GATAD1: variants seen among roughly 807,000 people sequenced by gnomAD.
GATAD1 encodes GATA zinc finger domain-containing protein 1.
In GATAD1, 12 loss-of-function variants were observed where a neutral mutation model predicts 26.5. That is an observed-to-expected ratio of 0.45 (90% CI 0.29 to 0.73). The LOEUF (loss-of-function observed/expected upper bound fraction) is 0.73. GATAD1 is among the 30% of genes least tolerant of loss of function. The pLI is 0.10. For synonymous variants in GATAD1, 129 were observed against 133.1 expected, an observed-to-expected ratio of 0.97 and a Z score of 0.21; for missense variants, 266 against 342.1, an observed-to-expected ratio of 0.78 and a Z score of 1.75.
At chr7:92,486,951 G>C in the GATAD1 span, 1 of 152,434 alleles carries the variant, frequency 6.6e-6, no homozygotes, top group Non-Finnish European at 1.5e-5. Context: ...ATTTCTGGTT[G>C]AGCGGATAAT....
the GATAD1 span, chr7:92,493,052 T>C: frequency 3.1e-6 from 5 of 1,611,750 alleles, no homozygotes; most frequent in African/African-American, 1.3e-5. Context: ...CAGTTACTGA[T>C]GCTACATGCT....
rs1218304434 is a variant in GATAD1 at position 92,456,368 on chromosome 7, C to T, written c.620-4C>T. The T allele has an allele frequency of 2.5e-6, 4 of 1,595,466 alleles. No homozygotes were observed. Among genetic ancestry groups the T allele is most frequent in the African/African-American group, 2.7e-5 (2 of 74,346 alleles). On this transcript the variant is annotated splice_region_variant and splice_polypyrimidine_tract_variant and intron_variant, in intron 4 of 4. Coordinates refer to ENST00000287957, the MANE Select transcript of GATAD1 (RefSeq NM_021167.5). ...ATTTAACCTTTCCCTTGGCTGCCTTCCAGGGCCAGAGGAAGATCTTCCAAG... is the reference window on the plus strand; with the variant it reads ...ATTTAACCTTTCCCTTGGCTGCCTTTCAGGGCCAGAGGAAGATCTTCCAAG...
the GATAD1 span, among the ~76,000 whole-genome samples, chr7:92,466,572 TTTA>T: frequency 1.3e-5 from 2 of 152,198 alleles, no homozygotes; most frequent in African/African-American, 4.8e-5. Context: ...AAAGATAAGC[TTTA>T]TTATTGAATA....
At chr7:92,453,773 A>G (rs1271032761) in intron 3 of GATAD1, among the ~76,000 whole-genome samples, 1 of 152,210 alleles carries the variant, frequency 6.6e-6, no homozygotes, top group Non-Finnish European at 1.5e-5. Flanking sequence ...GTACAGAGAA[A>G]AGACTGCTGA....
At chr7:92,493,363 G>A in the GATAD1 span, 7 of 264,636 alleles carry the variant, frequency 2.6e-5, no homozygotes, top group South Asian at 4.2e-4. Context: ...GGCTGGGCAT[G>A]GTGGCTCACG....
the GATAD1 span, among the ~76,000 whole-genome samples, chr7:92,484,470 AT>A: frequency 1.3e-5 from 2 of 152,212 alleles, no homozygotes; most frequent in East Asian, 3.9e-4. Context: ...GTGTGGGTGA[AT>A]AATCAGGCAG....
the GATAD1 span, chr7:92,487,351 A>T: frequency 7.6e-6 from 5 of 661,470 alleles, no homozygotes; most frequent in Non-Finnish European, 1.4e-5. Flanking sequence ...AATTAACCAA[A>T]TTTGTTAAAT....
chr7:92,470,071 A>T, the GATAD1 span: 1 of 778,828 alleles, frequency 1.3e-6, no homozygotes. Flanking sequence ...AGTCCAACAG[A>T]CAGTGACTCC....
At chr7:92,491,586 T>C in the GATAD1 span, 3 of 822,496 alleles carry the variant, frequency 3.6e-6, no homozygotes, top group South Asian at 2.8e-5. Flanking sequence ...TAGCATTCTA[T>C]TAGAGCAATA....
the GATAD1 span, among the ~76,000 whole-genome samples, chr7:92,473,995 G>A: frequency 6.6e-6 from 1 of 152,108 alleles, no homozygotes; most frequent in Admixed American, 6.5e-5. Flanking sequence ...GGACGAGGGG[G>A]CGGCTTACTT....
At chr7:92,493,090 G>A in the GATAD1 span, 1 of 1,612,054 alleles carries the variant, frequency 6.2e-7, no homozygotes, top group Non-Finnish European at 8.5e-7. Flanking sequence ...GCCAGAGGTA[G>A]AGAGTCACTG....
At chr7:92,456,039 T>C (rs1789656375) in intron 4 of GATAD1, among the ~76,000 whole-genome samples, 1 of 152,162 alleles carries the variant, frequency 6.6e-6, no homozygotes, top group South Asian at 2.1e-4. Flanking sequence ...TGCCTCACTT[T>C]CCTCATATGT....
chr7:92,487,427 T>A, the GATAD1 span: 1 of 1,250,744 alleles, frequency 8.0e-7, no homozygotes. Context: ...TCAAAAAACT[T>A]AACAGAACCA....
At chr7:92,472,518 G>A in the GATAD1 span, 2 of 152,218 alleles carry the variant, frequency 1.3e-5, no homozygotes, top group Non-Finnish European at 2.9e-5. Context: ...GACATATGAA[G>A]AAAAGTCTTG....
At chr7:92,476,631 C>G in the GATAD1 span, among the ~76,000 whole-genome samples, 1 of 151,974 alleles carries the variant, frequency 6.6e-6, no homozygotes, top group African/African-American at 2.4e-5. Context: ...TCTCTCTCTT[C>G]TGTCTCTCTC....
the GATAD1 span, among the ~76,000 whole-genome samples, chr7:92,480,765 C>T: frequency 6.6e-6 from 1 of 152,150 alleles, no homozygotes; most frequent in Non-Finnish European, 1.5e-5. Context: ...ACCTTATCAG[C>T]ATAAGCATTT....
the GATAD1 span, chr7:92,487,408 GA>G: frequency 2.1e-6 from 2 of 958,910 alleles, no homozygotes; most frequent in Admixed American, 3.9e-5. Flanking sequence ...ACAACATATG[GA>G]AAAGCCATCA....
intron 1 of GATAD1, 104 bp from the exon 2 acceptor site, chr7:92,448,647 CT>C: frequency 1.1e-6 from 1 of 870,986 alleles, no homozygotes; most frequent in South Asian, 1.5e-5. Context: ...GTTAAATGCT[CT>C]TATAAAGTAC....
At chr7:92,478,678 A>T in the GATAD1 span, among the ~76,000 whole-genome samples, 1 of 152,178 alleles carries the variant, frequency 6.6e-6, no homozygotes, top group Non-Finnish European at 1.5e-5. Context: ...AGGTTTTTGG[A>T]AATTTTCTTG....
Sources: gnomAD v4.1 joint callset for allele counts (sites outside exome capture counted in the v4.1 genomes callset) on GRCh38, gnomAD v4.1.1 for gene constraint, MANE v1.5 for transcripts, NCBI Gene and HGNC (gene_info 2026-07-23, HGNC 2026-07-21) for gene names.